IL12B: variants seen among roughly 807,000 people sequenced by gnomAD.
The protein encoded by IL12B is interleukin 12B, also known as interleukin-12 subunit beta.
In IL12B, 27 loss-of-function variants were observed where a neutral mutation model predicts 39.2. That is an observed-to-expected ratio of 0.69 (90% confidence interval 0.51 to 0.95). The LOEUF is 0.95. Ranked by LOEUF, IL12B falls within the 40% of genes least tolerant of loss-of-function variation. The pLI is 0.00. For synonymous variants in IL12B, 142 were observed against 152.1 expected (o/e 0.93, Z 0.49); for missense variants, 351 against 397.6 (o/e 0.88, Z 1.00).
intron 4 of IL12B, 105 bp downstream of exon 4, chr5:159,322,288 TG>T: frequency 1.2e-6 from 1 of 809,256 alleles, no homozygotes; most frequent in East Asian, 2.4e-5. Context: ...GGTTTGACTT[TG>T]CTTTTCCCAT....
chr5:159,319,493 T>C (rs1754049424), intron 5 of IL12B, among the ~76,000 whole-genome samples: 1 of 152,222 alleles, frequency 6.6e-6, no homozygotes, highest in South Asian at 2.1e-4. Flanking sequence ...CAAAGACTCC[T>C]TCCTCAATTA....
intron 7 of IL12B, 110 bp downstream of exon 7, chr5:159,316,575 G>T: frequency 8.7e-7 from 1 of 1,153,086 alleles, no homozygotes; most frequent in Non-Finnish European, 1.3e-6. Context: ...TGGCAACTGG[G>T]TGCTGGCCAC....
chr5:159,327,977 T>C (rs187166889), intron 1 of IL12B, among the ~76,000 whole-genome samples: 2 of 152,314 alleles, frequency 1.3e-5, no homozygotes, highest in Admixed American at 1.3e-4. Flanking sequence ...ACCCATGGTC[T>C]GGAGGAAAGT....
intron 2 of IL12B, among the ~76,000 whole-genome samples, chr5:159,325,240 C>T (rs910800559): frequency 6.6e-6 from 1 of 152,166 alleles, no homozygotes; most frequent in Non-Finnish European, 1.5e-5. Flanking sequence ...GTCAAATATG[C>T]CAGGACCAAG....
chr5:159,317,441 T>TAATATTTAGGTAAATATTTAGGTAA (rs1754007494), intron 6 of IL12B, among the ~76,000 whole-genome samples: 3 of 152,230 alleles, frequency 2.0e-5, no homozygotes, highest in Admixed American at 2.0e-4. Flanking sequence ...AGATGTAAAA[T>TAATATTTAGGTAAATATTTAGGTAA]AATATTTAGG....
At chr5:159,318,150 G>T (rs1237028137) in intron 6 of IL12B, 1 of 157,924 alleles carries the variant, frequency 6.3e-6, no homozygotes, top group Non-Finnish European at 1.4e-5. Flanking sequence ...ACTTTACCTT[G>T]CCACAGTTTC....
In IL12B at chr5:159,318,996, C is replaced by T. The variant is rs904934986; in HGVS notation, c.698-103G>A. 6.1e-6 allele frequency: 6 copies of T among 986,318 alleles called. No individual in the cohort carries two copies. The African/African-American group carries it at 8.0e-5, about 13-fold the overall frequency. 61.1% of individuals were successfully genotyped at this position (986,318 alleles called of 1,614,324 possible). A position where few individuals can be genotyped will look rare whatever the true frequency, so the allele number is the denominator to read the frequency against. ...GCACCTTTGATCAGCTGTGAGTCCA[C>T]TGGATAGTTACTTAACTTCTGTGAG... On this transcript the variant is annotated intron_variant, in intron 5 of 7. Coordinates refer to ENST00000231228, the MANE Select transcript of IL12B (RefSeq NM_002187.3).
chr5:159,330,214 A>AGTT (rs1754254516), intron 1 of IL12B, among the ~76,000 whole-genome samples: 1 of 152,224 alleles, frequency 6.6e-6, no homozygotes, highest in African/African-American at 2.4e-5. Flanking sequence ...CTTGCTATAC[A>AGTT]GTTATTATTA....
At position 159,322,497 on chromosome 5, in the gene IL12B, T is replaced by G; in HGVS notation, c.379A>C (p.Thr127Pro). Reference sequence around the variant, plus strand: ...TTCTTGGCCTCGCATCTTAGAAAGGTCTTATTTTTGGGTTCTGGATTTGAA... The same window carrying G: ...TTCTTGGCCTCGCATCTTAGAAAGGGCTTATTTTTGGGTTCTGGATTTGAA... ...LKDQKEPKNK[T>P]FLRCEAKNYS... The change falls in exon 4 of 8, where the codon ACC (threonine) becomes CCC (proline). Residue 127 changes from threonine to proline, a missense_variant. Transcript: ENST00000231228. The G allele has an allele frequency of 6.2e-7, 1 of 1,612,342 alleles. No individual in the cohort carries two copies. The highest frequency in any genetic ancestry group is 8.5e-7 in the Non-Finnish European group (1 of 1,178,440).
intron 7 of IL12B, among the ~76,000 whole-genome samples, 159 bp downstream of exon 7, chr5:159,316,526 A>G (rs1321027042): frequency 6.6e-6 from 1 of 152,214 alleles, no homozygotes; most frequent in Non-Finnish European, 1.5e-5. Context: ...AAGGCACCAA[A>G]TAAATATCTG....
intron 4 of IL12B, 119 bp downstream of exon 4, chr5:159,322,275 A>T (rs1754105983): frequency 1.3e-6 from 1 of 779,224 alleles, no homozygotes; most frequent in Non-Finnish European, 2.3e-6. Context: ...TTGAAAAAAC[A>T]CGGGTTTGAC....
In IL12B at chr5:159,316,750, C is replaced by T. The variant is rs373042362; in HGVS notation, c.922G>A (p.Val308Met). 6.8e-6 allele frequency: 11 copies of T among 1,613,942 alleles called. No homozygotes were observed. Among genetic ancestry groups the T allele is most frequent in the African/African-American group, 2.7e-5 (2 of 74,926 alleles). ...VICRKNASISVRAQDRYYSSS... is the reference protein window; with the variant it reads ...VICRKNASISMRAQDRYYSSS... ...CTATAGTAGCGGTCCTGGGCCCGCA[C>T]GCTAATGCTGGCATTTTTGCGGCAG... The change falls in exon 7 of 8, where the codon GTG (valine) becomes ATG (methionine). Residue 308 changes from valine to methionine, a missense_variant. Physicochemically the swap from Val to Met is conservative, Grantham distance 21. Transcript: ENST00000231228.
intron 4 of IL12B, among the ~76,000 whole-genome samples, chr5:159,321,530 C>A (rs1364175797): frequency 6.6e-6 from 1 of 151,978 alleles, no homozygotes; most frequent in Non-Finnish European, 1.5e-5. Context: ...ATGTAACCAT[C>A]CTTTTCCCCT....
chr5:159,325,757 T>A (rs1477466896), intron 2 of IL12B: 1 of 152,204 alleles, frequency 6.6e-6, no homozygotes, highest in Non-Finnish European at 1.5e-5. Flanking sequence ...CTTGTGAGAA[T>A]TAAGTGAGAC....
chr5:159,325,990 G>C (rs939192075), intron 2 of IL12B, among the ~76,000 whole-genome samples: 1 of 151,930 alleles, frequency 6.6e-6, no homozygotes, highest in Non-Finnish European at 1.5e-5. Context: ...CTGATCATTG[G>C]GATAATAAAA....
intron 2 of IL12B, 100 bp from the exon 3 acceptor site, chr5:159,323,429 C>T (rs1339908952): frequency 9.0e-7 from 1 of 1,108,010 alleles, no homozygotes; most frequent in Non-Finnish European, 1.3e-6. Context: ...TAAACACAAC[C>T]TTGTTTACAA....
intron 4 of IL12B, among the ~76,000 whole-genome samples, chr5:159,321,159 C>T (rs1490029209): frequency 1.5e-4 from 23 of 151,726 alleles, no homozygotes; most frequent in Admixed American, 1.4e-3. Context: ...CCACCACACC[C>T]ACCTAATTTT....
chr5:159,330,361 A>G (rs1020515281), intron 1 of IL12B, 71 bp downstream of exon 1: 1 of 152,180 alleles, frequency 6.6e-6, no homozygotes, highest in Admixed American at 6.5e-5. Flanking sequence ...TAGCACACTA[A>G]CGGTTTCTAC....
intron 1 of IL12B, among the ~76,000 whole-genome samples, chr5:159,329,278 T>A (rs1337146776): frequency 6.6e-6 from 1 of 152,172 alleles, no homozygotes; most frequent in African/African-American, 2.4e-5. Flanking sequence ...CAAAGATCCC[T>A]AGTTTGAGGG....
Sources: gnomAD v4.1 joint callset for allele counts (sites outside exome capture counted in the v4.1 genomes callset) on GRCh38, gnomAD v4.1.1 for gene constraint, MANE v1.5 for transcripts, NCBI Gene and HGNC (gene_info 2026-07-23, HGNC 2026-07-21) for gene names.